The following UBXN8 variants were observed in gnomAD, a reference collection of about 807,000 sequenced individuals.
UBXN8 encodes UBX domain-containing protein 8.
In UBXN8, 27 loss-of-function variants were observed where a neutral mutation model predicts 32.1. That is an observed-to-expected ratio of 0.84 (90% CI 0.62 to 1.16). The LOEUF (loss-of-function observed/expected upper bound fraction) is 1.16, where lower values mean the gene tolerates loss of function less well. Among genes scored for constraint, UBXN8 ranks in the 50% most tolerant of loss-of-function variants. The probability of loss-of-function intolerance (pLI) is 0.00; values close to 1 mark genes in which losing one functional copy is unlikely to be tolerated. For missense variants in UBXN8, 306 were observed against 311.4 expected (o/e 0.98, Z 0.13); for synonymous variants, 109 against 111.8 (o/e 0.98, Z 0.16).
At chr8:30,764,916 GGT>G (rs1209483248) in intron 7 of UBXN8, among the ~76,000 whole-genome samples, 1 of 152,088 alleles carries the variant, frequency 6.6e-6, no homozygotes, top group Non-Finnish European at 1.5e-5. Context: ...CGGACGTGGT[GGT>G]GCGTGCCTGT....
chr8:30,752,455 G>A (rs1563561543), intron 2 of UBXN8, among the ~76,000 whole-genome samples: 1 of 152,080 alleles, frequency 6.6e-6, no homozygotes, highest in Non-Finnish European at 1.5e-5. Context: ...CTACAGGTGT[G>A]TACCACTGCA....
At chr8:30,758,901 T>TTTTTTTTTTTTGG (rs1563564673) in intron 5 of UBXN8, among the ~76,000 whole-genome samples, 2 of 130,136 alleles carry the variant, frequency 1.5e-5, no homozygotes, top group South Asian at 2.5e-4. Context: ...TTTGTTTTTT[T>TTTTTTTTTTTTGG]TTTTTTTTTT....
upstream of UBXN8, among the ~76,000 whole-genome samples, chr8:30,740,136 G>C (rs1805167357): frequency 6.6e-6 from 1 of 151,686 alleles, no homozygotes; most frequent in Non-Finnish European, 1.5e-5. Context: ...CAAACTCCTG[G>C]GCACCTCAGC....
At chr8:30,763,452 C>T in intron 7 of UBXN8, 105 bp downstream of exon 7, 1 of 1,074,124 alleles carries the variant, frequency 9.3e-7, no homozygotes, top group Non-Finnish European at 1.4e-6. Flanking sequence ...TCTGCATCTC[C>T]CATCAGGTAT....
upstream of UBXN8, among the ~76,000 whole-genome samples, chr8:30,741,454 C>CT (rs565066061): frequency 0.054 from 6,245 of 116,598 alleles, 470 homozygotes; most frequent in African/African-American, 0.14. Context: ...AAGCAATGTT[C>CT]TTTTTTTTTT....
At chr8:30,743,553 A>G (rs572980340), upstream of UBXN8, among the ~76,000 whole-genome samples, 29 of 152,362 alleles carry the variant, frequency 1.9e-4, 1 homozygote, top group South Asian at 6.0e-3. Flanking sequence ...CAATGAGGTC[A>G]TGGAACTATG....
chr8:30,760,443 A>ATATATATATATATT (rs1196366158), intron 5 of UBXN8, among the ~76,000 whole-genome samples: 5 of 91,118 alleles, frequency 5.5e-5, no homozygotes, highest in African/African-American at 2.6e-4. Flanking sequence ...ATATATATAT[A>ATATATATATATATT]TTTTTTTTTT....
At chr8:30,743,267 T>G (rs1805256853), upstream of UBXN8, among the ~76,000 whole-genome samples, 1 of 151,744 alleles carries the variant, frequency 6.6e-6, no homozygotes. Context: ...GCAATTCTCC[T>G]GCCTCAGCCT....
chr8:30,744,835 T>G (rs534307291), intron 1 of UBXN8, among the ~76,000 whole-genome samples: 12 of 151,968 alleles, frequency 7.9e-5, no homozygotes, highest in Non-Finnish European at 1.0e-4. Context: ...TTGTGACACG[T>G]TGGAGGAAAA....
At chr8:30,731,167 CAAG>C (rs1804943215), upstream of UBXN8, among the ~76,000 whole-genome samples, 1 of 152,142 alleles carries the variant, frequency 6.6e-6, no homozygotes. Context: ...AGGCTCCAGA[CAAG>C]GAGGAAGGGG....
chr8:30,754,712 A>G lies in UBXN8; in HGVS notation c.330A>G (p.Lys110=), dbSNP rs768504276. 46 of 1,562,534 alleles carry G rather than the reference A, an allele frequency of 2.9e-5. No homozygotes were observed. The highest frequency in any genetic ancestry group is 4.4e-5 in the Admixed American group (2 of 45,022). The change falls in exon 4 of 8, where the codon AAA becomes AAG. Residue 110 remains lysine (K), a synonymous_variant. Coordinates refer to ENST00000265616, the MANE Select transcript of UBXN8 (RefSeq NM_005671.4). ...TTTTAAAACCTCACCAGGAAATGAA[A>G]TTGAGAAAACTGGAGGAGCGCTTTT... ...ENVLKPHQEM[K]LRKLEERFYQ...
intron 4 of UBXN8, chr8:30,756,053 C>A: frequency 1.4e-5 from 2 of 147,724 alleles, no homozygotes; most frequent in South Asian, 4.0e-4. Context: ...GAGGCTGAGT[C>A]TCACTCTGTC....
chr8:30,756,906 C>G lies in UBXN8; in HGVS notation c.528+19C>G, dbSNP rs765418477. On this transcript the variant is annotated intron_variant, in intron 5 of 7. Coordinates refer to ENST00000265616, the MANE Select transcript of UBXN8 (RefSeq NM_005671.4). ...CAAGGAGGTAAAGTACTTCATGCCT[C>G]TCATTGAATTGTGTCTGTGTGCAGT... The G allele has an allele frequency of 1.2e-6, 2 of 1,613,512 alleles. No homozygotes were observed. Among genetic ancestry groups the G allele is most frequent in the South Asian group, 1.1e-5 (1 of 91,034 alleles).
upstream of UBXN8, among the ~76,000 whole-genome samples, chr8:30,741,075 T>C (rs1275844249): frequency 2.0e-5 from 3 of 152,040 alleles, no homozygotes; most frequent in Non-Finnish European, 4.4e-5. Flanking sequence ...CCCAGTGAAA[T>C]CTCCATATTG....
chr8:30,746,109 T>C (rs1241676720), intron 1 of UBXN8, among the ~76,000 whole-genome samples: 1 of 152,142 alleles, frequency 6.6e-6, no homozygotes, highest in African/African-American at 2.4e-5. Context: ...TTCCCAGCAC[T>C]TACCAGTGTC....
At chr8:30,749,215 G>A (rs1265032838) in intron 1 of UBXN8, among the ~76,000 whole-genome samples, 1 of 151,874 alleles carries the variant, frequency 6.6e-6, no homozygotes, top group Admixed American at 6.6e-5. Flanking sequence ...CCAACGTGGT[G>A]AAACCCCATC....
At chr8:30,761,195 T>C (rs1346234822) in intron 6 of UBXN8, among the ~76,000 whole-genome samples, 2 of 151,724 alleles carry the variant, frequency 1.3e-5, no homozygotes, top group Non-Finnish European at 2.9e-5. Context: ...TAGTGTAGTA[T>C]CAAATTCCTC....
intron 5 of UBXN8, among the ~76,000 whole-genome samples, chr8:30,758,040 C>G (rs1034429352): frequency 2.0e-5 from 3 of 151,684 alleles, no homozygotes; most frequent in Non-Finnish European, 2.9e-5. Flanking sequence ...GGACTACAGG[C>G]GCCCACCACC....
At chr8:30,730,254 G>T (rs374141868), upstream of UBXN8, among the ~76,000 whole-genome samples, 1 of 152,232 alleles carries the variant, frequency 6.6e-6, no homozygotes, top group African/African-American at 2.4e-5. Flanking sequence ...AATAGATGAG[G>T]ATGGGCACAT....
Sources: allele counts gnomAD v4.1 joint callset (sites outside exome capture counted in the v4.1 genomes callset), GRCh38; gene constraint gnomAD v4.1.1; transcripts MANE v1.5; gene names NCBI Gene and HGNC (gene_info 2026-07-23, HGNC 2026-07-21).